PNPLA7: variants seen among roughly 807,000 people sequenced by gnomAD.
The protein encoded by PNPLA7 is patatin-like phospholipase domain-containing protein 7.
PNPLA7 carries 153 observed loss-of-function variants against 161.7 expected under a neutral mutation model. The ratio of observed to expected loss-of-function variants is 0.95; its 90% CI spans 0.83 to 1.08. The LOEUF (loss-of-function observed/expected upper bound fraction) is 1.08. Ranked by LOEUF, PNPLA7 falls within the 50% of genes least tolerant of loss-of-function variation. PNPLA7 has a pLI of 0.00. For missense variants in PNPLA7, 1,739 were observed against 1,856.6 expected, an observed-to-expected ratio of 0.94 and a Z score of 1.16; for synonymous variants, 809 against 782.1, an observed-to-expected ratio of 1.03 and a Z score of -0.57.
intron 26 of PNPLA7, among the ~76,000 whole-genome samples, chr9:137,466,608 T>G (rs371851351): frequency 1.8e-5 from 1 of 55,666 alleles, no homozygotes; most frequent in South Asian, 6.5e-4. Context: ...AACTCAGACC[T>G]GGGCACGGAT....
chr9:137,479,413 C>T, intron 23 of PNPLA7, 175 bp from the exon 24 acceptor site: 1 of 1,305,388 alleles, frequency 7.7e-7, no homozygotes, highest in East Asian at 2.9e-5. Flanking sequence ...GCTCTGACGG[C>T]AGGGGTCCAT....
intron 22 of PNPLA7, 39 bp downstream of exon 22, chr9:137,480,921 G>T: frequency 6.5e-7 from 1 of 1,547,210 alleles, no homozygotes; most frequent in Non-Finnish European, 8.7e-7. Flanking sequence ...GCTGCGTTGG[G>T]CCGGCTGGGA....
At chr9:137,462,371 C>T (rs2132053098) in intron 30 of PNPLA7, 40 bp from the exon 31 acceptor site, 6 of 1,560,114 alleles carry the variant, frequency 3.8e-6, no homozygotes, top group South Asian at 1.2e-5. Flanking sequence ...TGCCCCGGCC[C>T]CTACCCCGTC....
intron 26 of PNPLA7, among the ~76,000 whole-genome samples, chr9:137,466,968 G>T (rs111705979): frequency 1.0e-5 from 1 of 99,516 alleles, no homozygotes; most frequent in Non-Finnish European, 1.9e-5. Flanking sequence ...GGATCAGACC[G>T]CCTCCCACCA....
At chr9:137,480,792 C>T (rs1832180025) in intron 22 of PNPLA7, 168 bp downstream of exon 22, 4 of 860,156 alleles carry the variant, frequency 4.7e-6, no homozygotes, top group Non-Finnish European at 7.3e-6. Flanking sequence ...CAGGTCAGCG[C>T]TGCCCAGTGT....
chr9:137,539,781 G>C (rs745644969), intron 8 of PNPLA7, among the ~76,000 whole-genome samples: 2 of 150,950 alleles, frequency 1.3e-5, no homozygotes, highest in African/African-American at 5.0e-5. Flanking sequence ...ATGATTTTTT[G>C]TTTTGTTTTG....
chr9:137,501,635 C>G lies in PNPLA7; in HGVS notation c.1551+15G>C, dbSNP rs367995401. On this transcript the variant is annotated intron_variant, in intron 15 of 34. Transcript: ENST00000406427. ...ATTGGGTGGTCCCAGTGCCCCCCCC[C>G]AGACCCCCGCTCACCTGGTCTCCCT... The G allele has an allele frequency of 1.6e-5, 25 of 1,610,348 alleles. No individual in the cohort carries two copies. The highest frequency in any genetic ancestry group is 4.5e-5 in the East Asian group (2 of 44,846).
intron 33 of PNPLA7, chr9:137,461,112 C>T (rs759417744): frequency 4.4e-4 from 149 of 338,206 alleles, no homozygotes; most frequent in Non-Finnish European, 6.9e-4. Flanking sequence ...GGAGAATGTC[C>T]AGTTCTGCTG....
At chr9:137,509,555 G>A (rs1268948540) in intron 12 of PNPLA7, 1 of 297,230 alleles carries the variant, frequency 3.4e-6, no homozygotes, top group South Asian at 2.9e-5. Flanking sequence ...GAGTTTAACT[G>A]GTGTGAGTGA....
chr9:137,548,711 G>C (rs1836678940), intron 1 of PNPLA7, among the ~76,000 whole-genome samples: 2 of 152,156 alleles, frequency 1.3e-5, no homozygotes, highest in African/African-American at 4.8e-5. Context: ...TTGTGCTACT[G>C]CACTCCAGCC....
chr9:137,498,729 C>T (rs557590794), intron 16 of PNPLA7, among the ~76,000 whole-genome samples: 1 of 152,226 alleles, frequency 6.6e-6, no homozygotes, highest in African/African-American at 2.4e-5. Context: ...GAACACTGTT[C>T]TCTCCCCGGT....
chr9:137,533,609 C>T (rs1476886305), intron 8 of PNPLA7, among the ~76,000 whole-genome samples: 1 of 148,546 alleles, frequency 6.7e-6, no homozygotes, highest in East Asian at 2.0e-4. Context: ...ACAGTGTCCA[C>T]TCCAGACAGG....
At chr9:137,493,504 C>G (rs1379714968) in intron 19 of PNPLA7, among the ~76,000 whole-genome samples, 1 of 152,238 alleles carries the variant, frequency 6.6e-6, no homozygotes, top group African/African-American at 2.4e-5. Context: ...GGTGCCAAGC[C>G]TGCTTCAGGG....
At chr9:137,493,195 T>C in intron 19 of PNPLA7, 113 bp from the exon 20 acceptor site, 1 of 1,117,930 alleles carries the variant, frequency 8.9e-7, no homozygotes, top group Non-Finnish European at 1.3e-6. Flanking sequence ...CTGGATCTGC[T>C]TTTCAAAACC....
intron 29 of PNPLA7, 40 bp from the exon 30 acceptor site, chr9:137,462,873 T>G: frequency 1.2e-6 from 2 of 1,607,984 alleles, no homozygotes; most frequent in Non-Finnish European, 1.7e-6. Context: ...TGGACAGGCA[T>G]GCAGAGCCAG....
In PNPLA7 at chr9:137,543,566, C is replaced by T. The variant is rs1836331058; in HGVS notation, c.372G>A (p.Leu124=). Residue 124 remains leucine (L), a synonymous_variant, in exon 6 of 35, where the codon CTG becomes CTA. Coordinates refer to ENST00000406427, the MANE Select transcript of PNPLA7 (RefSeq NM_001098537.3). This position sits in a 1 kb window ranked among gnomAD's most constrained non-coding sequence, Gnocchi z 6.9. ...TKVLSLAKRI[L]RFKKEYPALQ... is the part of the protein sequence containing the mutation. Reference sequence around the variant, plus strand: ...GGGCCGGGTATTCCTTCTTGAAACGCAGAATCCTACAAGGCAGAGACACAC... The same window carrying T: ...GGGCCGGGTATTCCTTCTTGAAACGTAGAATCCTACAAGGCAGAGACACAC... 1.9e-6 allele frequency: 3 copies of T among 1,611,446 alleles called. No homozygotes were observed. Among genetic ancestry groups the T allele is most frequent in the Non-Finnish European group, 8.5e-7 (1 of 1,178,700 alleles).
intron 19 of PNPLA7, 82 bp from the exon 20 acceptor site, chr9:137,493,164 A>T (rs1157625253): frequency 7.2e-7 from 1 of 1,396,018 alleles, no homozygotes; most frequent in Non-Finnish European, 1.0e-6. Context: ...GCTCAACAAC[A>T]GCGAGACTCA....
chr9:137,497,126 C>T (rs564474027), intron 18 of PNPLA7, 61 bp downstream of exon 18: 34 of 1,430,222 alleles, frequency 2.4e-5, no homozygotes, highest in Non-Finnish European at 2.9e-5. Flanking sequence ...CAGGCCAGAA[C>T]CCAGGATGCT....
intron 11 of PNPLA7, among the ~76,000 whole-genome samples, chr9:137,517,008 C>CTGT (rs143426970): frequency 3.1e-4 from 35 of 112,674 alleles, no homozygotes; most frequent in East Asian, 6.5e-4. Context: ...ACTCCATCCC[C>CTGT]CACTCACTCC....
Sources: gnomAD v4.1 joint callset for allele counts (sites outside exome capture counted in the v4.1 genomes callset) on GRCh38, gnomAD v4.1.1 for gene constraint, Gnocchi (gnomAD v3.1) non-coding constraint, MANE v1.5 for transcripts, NCBI Gene and HGNC (gene_info 2026-07-23, HGNC 2026-07-21) for gene names.